RAVER2: variants seen among roughly 807,000 people sequenced by gnomAD.
RAVER2 encodes ribonucleoprotein PTB-binding 2.
In RAVER2, 46 loss-of-function variants were observed where a neutral mutation model predicts 78.1. The ratio of observed to expected loss-of-function variants is 0.59; its 90% CI spans 0.46 to 0.75. The LOEUF is 0.75. Among genes scored for constraint, RAVER2 ranks in the 30% least tolerant of loss-of-function variants. The pLI is 0.00. For missense variants in RAVER2, 793 were observed against 837.5 expected (o/e 0.95, Z 0.66); for synonymous variants, 311 against 313.3 (o/e 0.99, Z 0.08).
At chr1:64,757,018 T>G (rs1651873967) in intron 1 of RAVER2, among the ~76,000 whole-genome samples, 1 of 152,226 alleles carries the variant, frequency 6.6e-6, no homozygotes, top group African/African-American at 2.4e-5. Flanking sequence ...TTAACCTTGA[T>G]CATTTGCTTA....
In RAVER2 at chr1:64,798,846, G is replaced by T. The variant is rs1027820674; in HGVS notation, c.1106-4130G>T. ...ACATATTTATGGGGTACAGACTGAT[G>T]GTCCAATACATGTATATAATCTGTA... On this transcript the variant is annotated intron_variant, in intron 5 of 11. Transcript: ENST00000294428. 1.5e-4 allele frequency among the ~76,000 whole-genome samples: 23 copies of T among 152,110 alleles called. 1 individual carries two copies. The highest frequency in any genetic ancestry group is 5.5e-4 in the African/African-American group (23 of 41,482).
chr1:64,802,119 T>G (rs1019354040), intron 5 of RAVER2, among the ~76,000 whole-genome samples: 8 of 152,164 alleles, frequency 5.3e-5, no homozygotes, highest in African/African-American at 1.9e-4. Flanking sequence ...CTGGTGGGAG[T>G]GTAGCAATGA....
chr1:64,790,637 G>A (rs1652911976), intron 5 of RAVER2, among the ~76,000 whole-genome samples: 1 of 152,192 alleles, frequency 6.6e-6, no homozygotes, highest in Non-Finnish European at 1.5e-5. Flanking sequence ...AAATTATGAA[G>A]AAGGAAAATG....
rs777431091 is a variant in RAVER2 at position 64,805,018 on chromosome 1, G to A, written c.1324G>A (p.Ala442Thr). 2.5e-6 allele frequency: 4 copies of A among 1,613,922 alleles called. No homozygotes were observed. The Middle Eastern group carries it at 4.9e-4, about 200-fold the overall frequency. ...ACCCGGCTTACTTGGAGAGCCCCCAGCTGTGGTACTTCAGACTGCACTAGG... is the reference window on the plus strand; with the variant it reads ...ACCCGGCTTACTTGGAGAGCCCCCAACTGTGGTACTTCAGACTGCACTAGG... Residue 442 changes from alanine (A) to threonine (T), a missense_variant, in exon 8 of 12, where the codon GCT becomes ACT. Physicochemically the swap from Ala to Thr is moderately conservative, Grantham distance 58. Coordinates refer to ENST00000294428, the Ensembl canonical transcript of RAVER2.
intron 5 of RAVER2, among the ~76,000 whole-genome samples, chr1:64,799,167 A>T (rs1653187417): frequency 6.6e-6 from 1 of 152,154 alleles, no homozygotes; most frequent in Non-Finnish European, 1.5e-5. Context: ...GCTCCTGTAT[A>T]TGAGGGAGAA....
chr1:64,793,121 T>C (rs1211371406), intron 5 of RAVER2, among the ~76,000 whole-genome samples: 1 of 152,140 alleles, frequency 6.6e-6, no homozygotes, highest in Non-Finnish European at 1.5e-5. Flanking sequence ...GAGAATGACT[T>C]GAACCCTGGA....
rs559011322 is a variant in RAVER2 at position 64,788,805 on chromosome 1, A to G, written c.979-583A>G. On this transcript the variant is annotated intron_variant, in intron 4 of 11. Transcript: ENST00000294428. ...AGACTCCGTCTCAAAAAAAAAAAAAAAAGAAGATTTTGAATTGTAAGGCAA... is the reference window on the plus strand; with the variant it reads ...AGACTCCGTCTCAAAAAAAAAAAAAGAAGAAGATTTTGAATTGTAAGGCAA... Among the ~76,000 whole-genome samples the G allele has an allele frequency of 1.6e-4, 24 of 152,098 alleles. No individual in the cohort carries two copies. In the East Asian group the frequency reaches 4.1e-3, roughly 26 times the overall value.
chr1:64,825,172 T>C (rs1273359577), intron 11 of RAVER2, among the ~76,000 whole-genome samples: 1 of 152,042 alleles, frequency 6.6e-6, no homozygotes, highest in Non-Finnish European at 1.5e-5. Context: ...TTTTTAACAA[T>C]GGGAGAAAGT....
chr1:64,813,643 C>T (rs1428769602), intron 10 of RAVER2, among the ~76,000 whole-genome samples: 1 of 151,920 alleles, frequency 6.6e-6, no homozygotes, highest in Non-Finnish European at 1.5e-5. Context: ...TATACATCCT[C>T]TGTATTTTAT....
At chr1:64,786,299 A>G (rs1444885542) in intron 4 of RAVER2, among the ~76,000 whole-genome samples, 1 of 152,220 alleles carries the variant, frequency 6.6e-6, no homozygotes, top group Non-Finnish European at 1.5e-5. Flanking sequence ...GAAGACTGTG[A>G]ACCCTTTCAT....
intron 1 of RAVER2, among the ~76,000 whole-genome samples, chr1:64,763,472 C>A (rs1652080908): frequency 6.6e-6 from 1 of 152,138 alleles, no homozygotes; most frequent in African/African-American, 2.4e-5. Flanking sequence ...ACACCATTCC[C>A]ACCAGAATGG....
intron 2 of RAVER2, among the ~76,000 whole-genome samples, 187 bp from the exon 3 acceptor site, chr1:64,777,436 T>TA (rs1570546207): frequency 6.6e-6 from 1 of 152,090 alleles, no homozygotes; most frequent in Admixed American, 6.6e-5. Context: ...GTGTCAGCAT[T>TA]AAAAAACGCA....
At chr1:64,785,312 G>A (rs963076441) in intron 4 of RAVER2, among the ~76,000 whole-genome samples, 7 of 149,644 alleles carry the variant, frequency 4.7e-5, no homozygotes, top group East Asian at 1.9e-4. Flanking sequence ...CTTTAGCGTC[G>A]TTTGAGAGTT....
At chr1:64,830,058 G>T (rs1654087516) in intron 11 of RAVER2, among the ~76,000 whole-genome samples, 1 of 152,192 alleles carries the variant, frequency 6.6e-6, no homozygotes, top group South Asian at 2.1e-4. Flanking sequence ...TGTGTTACTG[G>T]AAGCTTTACT....
intron 11 of RAVER2, among the ~76,000 whole-genome samples, chr1:64,825,334 A>C (rs1233080119): frequency 6.6e-6 from 1 of 152,204 alleles, no homozygotes; most frequent in African/African-American, 2.4e-5. Context: ...GAACTAGTGC[A>C]GTCCCATTTT....
At chr1:64,816,725 C>T (rs969865917) in intron 11 of RAVER2, among the ~76,000 whole-genome samples, 2 of 152,124 alleles carry the variant, frequency 1.3e-5, no homozygotes, top group African/African-American at 4.8e-5. Context: ...AACTGGATCC[C>T]TTCCTTACAC....
intron 11 of RAVER2, chr1:64,816,261 TG>T: frequency 6.6e-6 from 1 of 152,226 alleles, no homozygotes; most frequent in Admixed American, 6.5e-5. Context: ...AGAAATTCTG[TG>T]ATAATGATGC....
At position 64,779,318 on chromosome 1, in the gene RAVER2, A is replaced by G. The variant is rs140079051; in HGVS notation, c.786+1226A>G. Among the ~76,000 whole-genome samples, 548 of 152,154 alleles carry G rather than the reference A, an allele frequency of 3.6e-3. 1 individual carries two copies. The highest frequency in any genetic ancestry group is 5.4e-3 in the Non-Finnish European group (368 of 68,002). ...ATCACCCCAGCCCCTAGTATCCACT[A>G]TACTTCTTTGAGATCACCTTTTTAA... On this transcript the variant is annotated intron_variant, in intron 3 of 11. Coordinates refer to ENST00000294428, the Ensembl canonical transcript of RAVER2.
At chr1:64,800,658 C>A (rs1486029133) in intron 5 of RAVER2, among the ~76,000 whole-genome samples, 3 of 152,118 alleles carry the variant, frequency 2.0e-5, no homozygotes, top group Non-Finnish European at 4.4e-5. Context: ...CTCAAAAATG[C>A]CTTTTTCCTC....
Sources: gnomAD v4.1 joint callset for allele counts (sites outside exome capture counted in the v4.1 genomes callset) on GRCh38, gnomAD v4.1.1 for gene constraint, MANE v1.5 for transcripts, NCBI Gene and HGNC (gene_info 2026-07-23, HGNC 2026-07-21) for gene names.